HS3ST3A1: variants seen among roughly 807,000 people sequenced by gnomAD.
HS3ST3A1 encodes heparan sulfate glucosamine 3-O-sulfotransferase 3A1.
In HS3ST3A1, 19 loss-of-function variants were observed where a neutral mutation model predicts 25.7. The ratio of observed to expected loss-of-function variants is 0.74; its 90% CI spans 0.52 to 1.08. HS3ST3A1 has a LOEUF of 1.08. Among genes scored for constraint, HS3ST3A1 ranks in the 50% least tolerant of loss-of-function variants. The pLI is 0.00. For synonymous variants in HS3ST3A1, 226 were observed against 278.6 expected (o/e 0.81, Z 1.88); for missense variants, 459 against 594.3 (o/e 0.77, Z 2.37).
intron 1 of HS3ST3A1, among the ~76,000 whole-genome samples, chr17:13,588,033 A>G (rs1908322503): frequency 6.6e-6 from 1 of 152,192 alleles, no homozygotes. Context: ...AGAGTAACCC[A>G]TAAATAAAGG....
chr17:13,549,668 T>C (rs748736164), intron 1 of HS3ST3A1, among the ~76,000 whole-genome samples: 3 of 152,186 alleles, frequency 2.0e-5, no homozygotes, highest in Non-Finnish European at 2.9e-5. Flanking sequence ...CACTGGACTA[T>C]TGGACATCAC....
chr17:13,524,248 A>G (rs1231269104), intron 1 of HS3ST3A1, among the ~76,000 whole-genome samples: 1 of 152,086 alleles, frequency 6.6e-6, no homozygotes, highest in Non-Finnish European at 1.5e-5. Context: ...ATAGCTATTT[A>G]TCACATCAAA....
chr17:13,510,206 G>A (rs754290416), intron 1 of HS3ST3A1, among the ~76,000 whole-genome samples: 10 of 152,232 alleles, frequency 6.6e-5, no homozygotes, highest in Non-Finnish European at 1.2e-4. Context: ...GCTGATCTGC[G>A]CTCTTGACAG....
At chr17:13,587,182 A>G (rs993028689) in intron 1 of HS3ST3A1, among the ~76,000 whole-genome samples, 3 of 151,286 alleles carry the variant, frequency 2.0e-5, no homozygotes, top group Non-Finnish European at 4.4e-5. Flanking sequence ...GAGGCCGGGC[A>G]CGGTGGTTCA....
At chr17:13,506,663 T>C (rs1905684576) in intron 1 of HS3ST3A1, among the ~76,000 whole-genome samples, 1 of 152,178 alleles carries the variant, frequency 6.6e-6, no homozygotes, top group South Asian at 2.1e-4. Flanking sequence ...CCAGGAAATC[T>C]ATGAGCAGAG....
chr17:13,589,666 T>C (rs1057401521), intron 1 of HS3ST3A1, among the ~76,000 whole-genome samples: 9 of 151,350 alleles, frequency 5.9e-5, no homozygotes, highest in South Asian at 4.2e-4. Flanking sequence ...ACCAGAAAAT[T>C]ACACACACAC....
intron 1 of HS3ST3A1, among the ~76,000 whole-genome samples, chr17:13,510,163 T>C (rs993276440): frequency 2.6e-5 from 4 of 152,226 alleles, no homozygotes; most frequent in African/African-American, 4.8e-5. Context: ...CTCCTGGCTC[T>C]GTGGTGGCTG....
chr17:13,554,173 A>G (rs1412597519), intron 1 of HS3ST3A1, among the ~76,000 whole-genome samples: 7 of 152,160 alleles, frequency 4.6e-5, no homozygotes, highest in African/African-American at 1.7e-4. Flanking sequence ...GAGAGTTTCT[A>G]TTGAGTGGCT....
At chr17:13,521,642 GA>G (rs1215243629) in intron 1 of HS3ST3A1, among the ~76,000 whole-genome samples, 1 of 152,196 alleles carries the variant, frequency 6.6e-6, no homozygotes, top group Non-Finnish European at 1.5e-5. Context: ...CTTGAAGAAA[GA>G]GTACATCAAG....
intron 1 of HS3ST3A1, among the ~76,000 whole-genome samples, chr17:13,583,452 G>T (rs1908168113): frequency 6.6e-6 from 1 of 152,140 alleles, no homozygotes; most frequent in African/African-American, 2.4e-5. Context: ...GAAAAGTGAA[G>T]ATCTCAGGCA....
At chr17:13,574,972 G>A (rs1396633181) in intron 1 of HS3ST3A1, among the ~76,000 whole-genome samples, 1 of 152,054 alleles carries the variant, frequency 6.6e-6, no homozygotes, top group Non-Finnish European at 1.5e-5. Context: ...CCACCATCCT[G>A]TAATGCATCC....
At chr17:13,555,906 A>T (rs974378851) in intron 1 of HS3ST3A1, 1 of 152,224 alleles carries the variant, frequency 6.6e-6, no homozygotes, top group African/African-American at 2.4e-5. Context: ...TTTTCTAAGC[A>T]TAAAAGCAAA....
At chr17:13,497,423 C>T (rs1905320154) in intron 1 of HS3ST3A1, among the ~76,000 whole-genome samples, 1 of 152,228 alleles carries the variant, frequency 6.6e-6, no homozygotes, top group Non-Finnish European at 1.5e-5. Flanking sequence ...TTCCTTTCTA[C>T]ATTGGCCCAA....
intron 1 of HS3ST3A1, among the ~76,000 whole-genome samples, chr17:13,525,081 T>C (rs754934926): frequency 9.2e-5 from 14 of 152,222 alleles, no homozygotes; most frequent in African/African-American, 3.1e-4. Flanking sequence ...AGTATGTATG[T>C]ATGAGTGTGT....
intron 1 of HS3ST3A1, among the ~76,000 whole-genome samples, chr17:13,577,180 G>T (rs2142378397): frequency 6.6e-6 from 1 of 152,302 alleles, no homozygotes; most frequent in Non-Finnish European, 1.5e-5. Context: ...CTTCCACCAG[G>T]TCCCTTCCAT....
chr17:13,595,670 A>G (rs1908555036), intron 1 of HS3ST3A1, among the ~76,000 whole-genome samples: 1 of 152,238 alleles, frequency 6.6e-6, no homozygotes. Flanking sequence ...TAGGAAACCC[A>G]TACCAAGAAA....
chr17:13,533,293 A>G (rs901102843), intron 1 of HS3ST3A1, among the ~76,000 whole-genome samples: 2 of 152,040 alleles, frequency 1.3e-5, no homozygotes, highest in South Asian at 2.1e-4. Flanking sequence ...TTTAATACAT[A>G]TCTGCTACAA....
At chr17:13,580,241 T>TA (rs1908076042) in intron 1 of HS3ST3A1, among the ~76,000 whole-genome samples, 1 of 151,564 alleles carries the variant, frequency 6.6e-6, no homozygotes, top group East Asian at 1.9e-4. Context: ...AGTGGTACAT[T>TA]AAAAAAAATA....
At chr17:13,519,890 T>C (rs774525514) in intron 1 of HS3ST3A1, among the ~76,000 whole-genome samples, 2 of 152,166 alleles carry the variant, frequency 1.3e-5, no homozygotes, top group Non-Finnish European at 2.9e-5. Context: ...ACTGTAGGCA[T>C]CCAAAATATC....
Sources: gnomAD v4.1 joint callset for allele counts (sites outside exome capture counted in the v4.1 genomes callset) on GRCh38, gnomAD v4.1.1 for gene constraint, MANE v1.5 for transcripts, NCBI Gene and HGNC (gene_info 2026-07-23, HGNC 2026-07-21) for gene names.